The following CHRM3 variants were observed in gnomAD, a reference collection of about 807,000 sequenced individuals.
CHRM3 encodes muscarinic acetylcholine receptor M3.
A neutral mutation model predicts 41.8 loss-of-function variants in CHRM3; 11 were observed. The observed-to-expected ratio is 0.26, with a 90% confidence interval of 0.17 to 0.44. The LOEUF (loss-of-function observed/expected upper bound fraction) is 0.44, where lower values mean the gene tolerates loss of function less well. Among genes scored for constraint, CHRM3 ranks in the 20% least tolerant of loss-of-function variants. The probability of loss-of-function intolerance (pLI) is 1.00; values close to 1 mark genes in which losing one functional copy is unlikely to be tolerated. For synonymous variants in CHRM3, 297 were observed against 301.4 expected (o/e 0.99, Z 0.15); for missense variants, 571 against 745.4 (o/e 0.77, Z 2.72).
rs1417317293 is a variant in CHRM3, at chr1:239,403,976, G to GGGGAGAGAGAGAGAGA, written c.-521+16750_-521+16751insGGAGAGAGAGAGAGAG. 7.1e-4 allele frequency among the ~76,000 whole-genome samples: 33 copies of GGGGAGAGAGAGAGAGA among 46,504 alleles called. 2 individuals carry two copies. The highest frequency in any genetic ancestry group is 8.1e-4 in the African/African-American group (10 of 12,306). 30.5% of individuals were successfully genotyped at this position (46,504 alleles called of 152,430 possible). ...GGGAGGGAGGGAGGGAGAGGGAGGG[G>GGGGAGAGAGAGAGAGA]GAGAGAGAGAGAGAGAGAGAGAGAG... On this transcript the variant is annotated intron_variant, in intron 1 of 6. Coordinates refer to ENST00000676153, the MANE Select transcript of CHRM3 (RefSeq NM_001375978.1).
At chr1:239,499,348 A>G (rs1668077965) in intron 2 of CHRM3, among the ~76,000 whole-genome samples, 1 of 152,188 alleles carries the variant, frequency 6.6e-6, no homozygotes, top group South Asian at 2.1e-4. Flanking sequence ...GTGTAAAAAG[A>G]TATTTCAGGC....
intron 3 of CHRM3, among the ~76,000 whole-genome samples, chr1:239,591,255 A>T (rs1463353187): frequency 1.3e-5 from 2 of 152,042 alleles, no homozygotes; most frequent in East Asian, 3.9e-4. Context: ...TCCTTGGGTC[A>T]AGCTTCTCTC....
At chr1:239,838,165 A>G (rs2149139311) in intron 6 of CHRM3, among the ~76,000 whole-genome samples, 1 of 152,294 alleles carries the variant, frequency 6.6e-6, no homozygotes, top group East Asian at 1.9e-4. Flanking sequence ...TCCAGGGACT[A>G]TATGATTAAT....
chr1:239,533,445 G>A (rs1203926790), intron 2 of CHRM3, among the ~76,000 whole-genome samples: 2 of 151,868 alleles, frequency 1.3e-5, no homozygotes, highest in Non-Finnish European at 2.9e-5. Flanking sequence ...AGTGGGAAAA[G>A]CCCCTTATAG....
At chr1:239,808,320 C>T (rs1670827554) in intron 5 of CHRM3, among the ~76,000 whole-genome samples, 1 of 152,132 alleles carries the variant, frequency 6.6e-6, no homozygotes, top group Non-Finnish European at 1.5e-5. Flanking sequence ...TCTGATACCA[C>T]TCAATAAAAT....
intron 3 of CHRM3, among the ~76,000 whole-genome samples, chr1:239,565,915 T>TC (rs1558324034): frequency 6.8e-6 from 1 of 147,140 alleles, no homozygotes; most frequent in African/African-American, 2.5e-5. Context: ...TTTTTCTTTT[T>TC]TTTTTTTTTT....
At chr1:239,487,857 C>CA (rs138469083) in intron 1 of CHRM3, among the ~76,000 whole-genome samples, 23,772 of 93,372 alleles carry the variant, frequency 0.25, 2,266 homozygotes, top group Non-Finnish European at 0.3. Context: ...GTAATATTTG[C>CA]AAAAAAAAAA....
In CHRM3 at chr1:239,869,796, T is replaced by C. The variant is rs140535259; in HGVS notation, c.-19-37637T>C. Among the ~76,000 whole-genome samples the C allele has an allele frequency of 4.2e-3, 644 of 152,360 alleles. 8 individuals are homozygous for C. Among genetic ancestry groups the C allele is most frequent in the African/African-American group, 0.015 (604 of 41,578 alleles). ...GAAGCTGCGTCTAAATTTCTTTTTA[T>C]GCCTGGTTCTTCGTGGGTGTTTGGT... On this transcript the variant is annotated intron_variant, in intron 6 of 6. Coordinates refer to ENST00000676153, the MANE Select transcript of CHRM3 (RefSeq NM_001375978.1).
rs1553294334 is a variant in CHRM3, at chr1:239,881,292, A to AAAAAG, written c.-19-26137_-19-26136insGAAAA. Among the ~76,000 whole-genome samples the AAAAAG allele has an allele frequency of 1.3e-5, 2 of 149,606 alleles. 1 individual carries two copies. Among genetic ancestry groups the AAAAAG allele is most frequent in the East Asian group, 3.9e-4 (2 of 5,110 alleles). On this transcript the variant is annotated intron_variant, in intron 6 of 6. Transcript: ENST00000676153. ...AGTGAGACTCCGTCTCAAAAAAAAA[A>AAAAAG]AAAAAAAAAAAAAAGAATACAATCC...
At chr1:239,425,205 T>C (rs1169051766) in intron 1 of CHRM3, among the ~76,000 whole-genome samples, 1 of 152,220 alleles carries the variant, frequency 6.6e-6, no homozygotes, top group East Asian at 1.9e-4. Flanking sequence ...GGACTCAGTC[T>C]GTTGGGCCAC....
intron 6 of CHRM3, among the ~76,000 whole-genome samples, chr1:239,844,362 T>G (rs1408121709): frequency 6.6e-6 from 1 of 152,166 alleles, no homozygotes; most frequent in Non-Finnish European, 1.5e-5. Context: ...ATTAATGCAA[T>G]GCGCTTATTT....
chr1:239,826,174 G>A (rs1489065401), intron 5 of CHRM3, among the ~76,000 whole-genome samples: 1 of 152,078 alleles, frequency 6.6e-6, no homozygotes, highest in Non-Finnish European at 1.5e-5. Flanking sequence ...ACACCTAATG[G>A]TTAACATGGT....
intron 3 of CHRM3, among the ~76,000 whole-genome samples, chr1:239,621,019 T>C (rs112398168): frequency 3.3e-5 from 5 of 152,326 alleles, no homozygotes; most frequent in African/African-American, 1.2e-4. Flanking sequence ...AGCAAATCCA[T>C]TGGCAGCATT....
intron 5 of CHRM3, among the ~76,000 whole-genome samples, chr1:239,702,749 TATAGGC>T (rs1458718818): frequency 6.6e-6 from 1 of 152,246 alleles, no homozygotes; most frequent in East Asian, 1.9e-4. Context: ...TAGCTAGGAT[TATAGGC>T]ATGTGCCACC....
At chr1:239,620,829 G>T (rs1331185927) in intron 3 of CHRM3, among the ~76,000 whole-genome samples, 1 of 152,100 alleles carries the variant, frequency 6.6e-6, no homozygotes, top group African/African-American at 2.4e-5. Flanking sequence ...AGATTCACAG[G>T]CATTGATGAG....
intron 2 of CHRM3, among the ~76,000 whole-genome samples, chr1:239,505,979 C>A (rs1298845044): frequency 1.3e-5 from 2 of 152,094 alleles, no homozygotes; most frequent in Non-Finnish European, 2.9e-5. Flanking sequence ...ATTTGTGGAA[C>A]TTTGAACCTG....
intron 6 of CHRM3, among the ~76,000 whole-genome samples, chr1:239,860,258 A>G (rs982904280): frequency 6.6e-6 from 1 of 152,200 alleles, no homozygotes; most frequent in African/African-American, 2.4e-5. Context: ...TATTGCATTT[A>G]TAAAATGAAA....
chr1:239,396,172 C>T lies in CHRM3; in HGVS notation c.-521+8945C>T, dbSNP rs6687470. 5.1e-3 allele frequency among the ~76,000 whole-genome samples: 778 copies of T among 152,178 alleles called. 7 individuals carry two copies. The highest frequency in any genetic ancestry group is 0.018 in the African/African-American group (732 of 41,510). On this transcript the variant is annotated intron_variant, in intron 1 of 6. Transcript: ENST00000676153. ...ACTCTATCAGAATCTCACTTTTATCCCTGATTACATTCACTCTTGGTTTTA... is the reference window on the plus strand; with the variant it reads ...ACTCTATCAGAATCTCACTTTTATCTCTGATTACATTCACTCTTGGTTTTA...
intron 6 of CHRM3, among the ~76,000 whole-genome samples, chr1:239,900,342 G>A (rs1369705816): frequency 6.6e-6 from 1 of 150,652 alleles, no homozygotes; most frequent in East Asian, 2.0e-4. Context: ...AAAACATTTG[G>A]TGACTCTCAT....
Sources: allele counts gnomAD v4.1 joint callset (sites outside exome capture counted in the v4.1 genomes callset), GRCh38; gene constraint gnomAD v4.1.1; transcripts MANE v1.5; gene names NCBI Gene and HGNC (gene_info 2026-07-23, HGNC 2026-07-21).